Variants in MKLN1 observed in about 807,000 individuals in gnomAD.
MKLN1 encodes the protein muskelin.
In MKLN1, 18 loss-of-function variants were observed where a neutral mutation model predicts 99.0. The ratio of observed to expected loss-of-function variants is 0.18; its 90% CI spans 0.13 to 0.27. The LOEUF (loss-of-function observed/expected upper bound fraction) is 0.27. MKLN1 is among the 10% of genes least tolerant of loss of function. The probability of loss-of-function intolerance (pLI) is 1.00; values close to 1 mark genes in which losing one functional copy is unlikely to be tolerated. For missense variants in MKLN1, 621 were observed against 875.9 expected, an observed-to-expected ratio of 0.71 and a Z score of 3.67; for synonymous variants, 288 against 293.2, an observed-to-expected ratio of 0.98 and a Z score of 0.18.
intron 2 of MKLN1, among the ~76,000 whole-genome samples, chr7:131,150,626 G>A (rs1795876087): frequency 6.7e-6 from 1 of 149,948 alleles, no homozygotes; most frequent in Non-Finnish European, 1.5e-5. Flanking sequence ...TTTATGTGCA[G>A]TATATAATAA....
At chr7:131,121,489 T>A (rs913902219) in intron 1 of MKLN1, among the ~76,000 whole-genome samples, 5 of 151,618 alleles carry the variant, frequency 3.3e-5, no homozygotes, top group African/African-American at 1.2e-4. Context: ...ACACAAAAAA[T>A]TAGCTGGGTG....
chr7:131,418,068 T>C (rs962563181), intron 8 of MKLN1, among the ~76,000 whole-genome samples: 2 of 151,976 alleles, frequency 1.3e-5, no homozygotes, highest in Admixed American at 6.6e-5. Flanking sequence ...ACCAGAGAAA[T>C]GGAACAAGAA....
intron 1 of MKLN1, among the ~76,000 whole-genome samples, chr7:131,133,814 A>T (rs143664422): frequency 0.019 from 621 of 32,450 alleles, 20 homozygotes; most frequent in Non-Finnish European, 0.036. Flanking sequence ...TTTTTTTTTT[A>T]ATTTGGTTTT....
chr7:131,358,958 G>A (rs1188933778), intron 1 of MKLN1, among the ~76,000 whole-genome samples: 1 of 151,908 alleles, frequency 6.6e-6, no homozygotes, highest in African/African-American at 2.4e-5. Flanking sequence ...GTCTTTTCAG[G>A]TAGCCAGCTT....
chr7:131,442,611 A>G (rs1467460461), intron 10 of MKLN1, among the ~76,000 whole-genome samples: 2 of 152,210 alleles, frequency 1.3e-5, no homozygotes, highest in Non-Finnish European at 2.9e-5. Flanking sequence ...AGCAGAAGTA[A>G]TCTGGTAGGA....
At chr7:131,252,329 C>CTTT (rs60581249) in intron 3 of MKLN1, among the ~76,000 whole-genome samples, 9 of 118,526 alleles carry the variant, frequency 7.6e-5, no homozygotes, top group Admixed American at 1.9e-4. Context: ...TTTTTCTTTT[C>CTTT]TTTTTTTTTT....
intron 1 of MKLN1, among the ~76,000 whole-genome samples, chr7:131,343,883 A>T (rs1028295255): frequency 2.6e-5 from 4 of 152,118 alleles, no homozygotes; most frequent in African/African-American, 9.7e-5. Flanking sequence ...TTGCCCTAAG[A>T]TTTATTGGAT....
chr7:131,479,822 G>T (rs556654532), intron 17 of MKLN1, among the ~76,000 whole-genome samples: 1 of 143,088 alleles, frequency 7.0e-6, no homozygotes, highest in Non-Finnish European at 1.5e-5. Flanking sequence ...GTGAGACTCC[G>T]TCTCAAAAAA....
At chr7:131,127,323 G>GA (rs1199744394) in intron 1 of MKLN1, among the ~76,000 whole-genome samples, 2 of 152,200 alleles carry the variant, frequency 1.3e-5, no homozygotes, top group African/African-American at 4.8e-5. Flanking sequence ...GAAAGAGTCA[G>GA]AAAGGAGTTT....
At chr7:131,305,486 C>A (rs988712344) in intron 3 of MKLN1, among the ~76,000 whole-genome samples, 2 of 152,178 alleles carry the variant, frequency 1.3e-5, no homozygotes, top group African/African-American at 2.4e-5. Flanking sequence ...CACTGATTAG[C>A]TCTATTTCCT....
chr7:131,118,604 G>T (rs1012545306), intron 1 of MKLN1, among the ~76,000 whole-genome samples: 3 of 151,982 alleles, frequency 2.0e-5, no homozygotes, highest in African/African-American at 7.3e-5. Flanking sequence ...CCTGAGACTG[G>T]CTAATAAGAA....
chr7:131,322,557 C>CTT (rs574246814), intron 3 of MKLN1, among the ~76,000 whole-genome samples: 244 of 95,066 alleles, frequency 2.6e-3, no homozygotes, highest in African/African-American at 2.9e-3. Context: ...CTGCCAAACA[C>CTT]TTTTTTTTTT....
intron 3 of MKLN1, among the ~76,000 whole-genome samples, chr7:131,319,906 A>C (rs1189004116): frequency 6.6e-6 from 1 of 152,214 alleles, no homozygotes; most frequent in Non-Finnish European, 1.5e-5. Context: ...GAGAACTACA[A>C]ACCACTGCTC....
At chr7:131,340,425 C>T (rs986893760) in intron 1 of MKLN1, among the ~76,000 whole-genome samples, 4 of 151,848 alleles carry the variant, frequency 2.6e-5, no homozygotes, top group Non-Finnish European at 4.4e-5. Flanking sequence ...ACTACAGGTG[C>T]GCACCACCAC....
intron 3 of MKLN1, among the ~76,000 whole-genome samples, chr7:131,203,969 G>A (rs1796768019): frequency 1.3e-5 from 2 of 152,168 alleles, no homozygotes; most frequent in African/African-American, 2.4e-5. Flanking sequence ...ATTTAGACAT[G>A]AGAAAACTGA....
chr7:131,445,796 T>C lies in MKLN1; in HGVS notation c.1418T>C (p.Phe473Ser), dbSNP rs1166851193. Residue 473 changes from phenylalanine to serine, a missense_variant, in exon 12 of 18, where the codon TTT (phenylalanine) becomes TCT (serine). Around this residue, in one of 8 missense-constraint regions of MKLN1, gnomAD observed 361 missense variants for 540.8 expected, o/e 0.67. Coordinates refer to ENST00000352689, the MANE Select transcript of MKLN1 (RefSeq NM_013255.5). Reference protein sequence around the residue: ...FHSKNRCLYVFGGQRSKTYLN... With the variant: ...FHSKNRCLYVSGGQRSKTYLN... ...CAGAAAAATCGTTGCTTATATGTAT[T>C]TGGTGGCCAGCGATCAAAGACCTAT... is the stretch of plus-strand genomic sequence containing the variant. 1 of 1,608,104 alleles carries C rather than the reference T, an allele frequency of 6.2e-7. No homozygotes were observed. The highest frequency in any genetic ancestry group is 1.3e-5 in the African/African-American group (1 of 74,868).
At chr7:131,433,271 T>C (rs1277203421) in intron 9 of MKLN1, among the ~76,000 whole-genome samples, 1 of 152,212 alleles carries the variant, frequency 6.6e-6, no homozygotes, top group African/African-American at 2.4e-5. Flanking sequence ...GTATGTTTTC[T>C]TAGGATTGGA....
intron 17 of MKLN1, among the ~76,000 whole-genome samples, chr7:131,481,812 G>GA (rs1562888119): frequency 1.7e-4 from 12 of 71,570 alleles, no homozygotes; most frequent in South Asian, 4.2e-4. Flanking sequence ...TCTAAGGTCT[G>GA]CAAAAAAAAA....
intron 1 of MKLN1, among the ~76,000 whole-genome samples, chr7:131,333,368 C>T (rs1187989975): frequency 6.6e-6 from 1 of 152,174 alleles, no homozygotes; most frequent in Non-Finnish European, 1.5e-5. Context: ...AGCCACTGTG[C>T]CCAGCCAAAA....
Sources: allele counts gnomAD v4.1 joint callset (sites outside exome capture counted in the v4.1 genomes callset), GRCh38; gene constraint gnomAD v4.1.1; regional missense constraint gnomAD v4.1.1; transcripts MANE v1.5; gene names NCBI Gene and HGNC (gene_info 2026-07-23, HGNC 2026-07-21).